The following CACNB2 variants were observed in gnomAD, a reference collection of about 807,000 sequenced individuals.
The protein encoded by CACNB2 is calcium voltage-gated channel auxiliary subunit beta 2.
A neutral mutation model predicts 73.3 loss-of-function variants in CACNB2; 42 were observed. The ratio of observed to expected loss-of-function variants is 0.57; its 90% confidence interval spans 0.45 to 0.74. CACNB2 has a LOEUF of 0.74. Among genes scored for constraint, CACNB2 ranks in the 30% least tolerant of loss-of-function variants. CACNB2 has a pLI of 0.00. For missense variants in CACNB2, 940 were observed against 853.0 expected (o/e 1.10, Z -1.27); for synonymous variants, 348 against 310.3 (o/e 1.12, Z -1.28).
intron 2 of CACNB2, among the ~76,000 whole-genome samples, chr10:18,369,972 A>G (rs1027670546): frequency 2.6e-5 from 4 of 152,224 alleles, no homozygotes; most frequent in African/African-American, 9.6e-5. Flanking sequence ...AAGTGAGCCC[A>G]CTGATAAATG....
chr10:18,408,629 A>T (rs1209515792), intron 3 of CACNB2, among the ~76,000 whole-genome samples: 3 of 152,178 alleles, frequency 2.0e-5, no homozygotes, highest in African/African-American at 7.2e-5. Flanking sequence ...TACAAAACAC[A>T]AGCCTAAAAC....
At chr10:18,427,041 C>T (rs1233775419) in intron 3 of CACNB2, among the ~76,000 whole-genome samples, 4 of 147,098 alleles carry the variant, frequency 2.7e-5, no homozygotes, top group Admixed American at 2.1e-4. Context: ...CGGCAACCTC[C>T]GCCTCCCGGG....
In CACNB2 at chr10:18,247,860, A is replaced by G. The variant is rs75337945; in HGVS notation, c.213+96885A>G. 3.8e-4 allele frequency among the ~76,000 whole-genome samples: 58 copies of G among 152,310 alleles called. 1 individual carries two copies. In the East Asian group the frequency reaches 0.01, roughly 27 times the overall value. Reference sequence around the variant, plus strand: ...AACCATGATTTCATTCTGAATGCTAATGCATATGACATAGAGTACCTCTGA... The same window carrying G: ...AACCATGATTTCATTCTGAATGCTAGTGCATATGACATAGAGTACCTCTGA... On this transcript the variant is annotated intron_variant, in intron 2 of 13. Transcript: ENST00000324631.
intron 3 of CACNB2, among the ~76,000 whole-genome samples, chr10:18,475,893 A>G (rs973647163): frequency 2.6e-5 from 4 of 152,174 alleles, no homozygotes; most frequent in East Asian, 3.9e-4. Flanking sequence ...AGGGATCCCA[A>G]TACAGACCCT....
intron 2 of CACNB2, among the ~76,000 whole-genome samples, chr10:18,178,336 C>A (rs1298648754): frequency 6.6e-6 from 1 of 152,138 alleles, no homozygotes. Context: ...ATTAACTCTA[C>A]CTATTAGGCT....
At chr10:18,352,142 G>A (rs1476561227) in intron 2 of CACNB2, among the ~76,000 whole-genome samples, 1 of 152,172 alleles carries the variant, frequency 6.6e-6, no homozygotes, top group Non-Finnish European at 1.5e-5. Flanking sequence ...TTGCATCCAA[G>A]CCAGCCTCTG....
chr10:18,284,578 T>C (rs555008389), intron 2 of CACNB2, among the ~76,000 whole-genome samples: 2 of 152,296 alleles, frequency 1.3e-5, no homozygotes, highest in South Asian at 4.1e-4. Flanking sequence ...GGAACAAAAC[T>C]TTCTCCCATT....
At chr10:18,523,676 T>C (rs2052153550) in intron 9 of CACNB2, among the ~76,000 whole-genome samples, 1 of 152,150 alleles carries the variant, frequency 6.6e-6, no homozygotes, top group African/African-American at 2.4e-5. Context: ...TGGCAAGACA[T>C]CTAGAGTAAC....
chr10:18,483,635 C>T (rs1363740171), intron 3 of CACNB2, among the ~76,000 whole-genome samples: 1 of 152,230 alleles, frequency 6.6e-6, no homozygotes, highest in South Asian at 2.1e-4. Flanking sequence ...CGCTAGACCT[C>T]TGTGAACTTA....
chr10:18,387,601 G>A (rs1220053688), intron 2 of CACNB2, among the ~76,000 whole-genome samples: 2 of 152,138 alleles, frequency 1.3e-5, no homozygotes, highest in Non-Finnish European at 2.9e-5. Context: ...GCCAGTAGGT[G>A]CATTTTTGGC....
At chr10:18,177,956 G>A (rs185763486) in intron 2 of CACNB2, among the ~76,000 whole-genome samples, 54 of 152,212 alleles carry the variant, frequency 3.5e-4, no homozygotes, top group African/African-American at 1.2e-3. Flanking sequence ...AGGTATTCAA[G>A]AGGCATATCA....
chr10:18,448,592 C>G (rs1589388208), intron 3 of CACNB2, among the ~76,000 whole-genome samples: 1 of 152,100 alleles, frequency 6.6e-6, no homozygotes. Context: ...GGCCTCAGCC[C>G]CAGAGTCTCT....
chr10:18,500,715 G>A lies in CACNB2; in HGVS notation c.457-97G>A, dbSNP rs1306156118. 14 of 1,216,648 alleles carry A rather than the reference G, an allele frequency of 1.2e-5. No individual in the cohort carries two copies. In the Admixed American group the frequency reaches 1.4e-4, roughly 12 times the overall value. The allele number at this position is 1,216,648 out of a possible 1,614,324, so 75.4% of individuals were successfully genotyped here. On this transcript the variant is annotated intron_variant, in intron 4 of 13. Transcript: ENST00000324631. ...TGATAATATTTAAGGCATAGTTAATGGTCATTGCCATATTTCTCTCGACTG... is the reference window on the plus strand; with the variant it reads ...TGATAATATTTAAGGCATAGTTAATAGTCATTGCCATATTTCTCTCGACTG...
Position 18,539,522 on chromosome 10 carries a change from C to T in CACNB2, c.1781C>T (p.Thr594Ile). The part of the protein sequence containing the change: ...SHRDHNHRDE[T>I]HGSSDHRHRE... ...CGTGACCACAACCACAGAGACGAGACCCACGGGAGCAGTGACCACAGACAC... is the reference window on the plus strand; with the variant it reads ...CGTGACCACAACCACAGAGACGAGATCCACGGGAGCAGTGACCACAGACAC... The change falls in exon 14 of 14, where the codon ACC (threonine) becomes ATC (isoleucine). Residue 594 changes from threonine to isoleucine, a missense_variant. Thr to Ile is a moderately conservative substitution (Grantham distance 89, BLOSUM62 -1). Coordinates refer to ENST00000324631, the MANE Select transcript of CACNB2 (RefSeq NM_201596.3). The T allele has an allele frequency of 1.2e-6, 2 of 1,613,876 alleles. No individual in the cohort carries two copies. The highest frequency in any genetic ancestry group is 1.7e-6 in the Non-Finnish European group (2 of 1,179,970).
intron 3 of CACNB2, among the ~76,000 whole-genome samples, chr10:18,422,242 T>C: frequency 6.6e-6 from 1 of 152,212 alleles, no homozygotes; most frequent in East Asian, 1.9e-4. Flanking sequence ...TCAGATACAA[T>C]CTCCATATTG....
chr10:18,445,494 C>G (rs2132564720), intron 3 of CACNB2, among the ~76,000 whole-genome samples: 1 of 152,262 alleles, frequency 6.6e-6, no homozygotes, highest in African/African-American at 2.4e-5. Context: ...GTATCCTTTC[C>G]TATGTACAGG....
chr10:18,349,503 C>G (rs1393241519), intron 2 of CACNB2, among the ~76,000 whole-genome samples: 2 of 152,142 alleles, frequency 1.3e-5, no homozygotes, highest in Non-Finnish European at 2.9e-5. Context: ...GGACCATTTT[C>G]CATTCCAGCA....
At chr10:18,492,045 G>A (rs2132947304) in intron 3 of CACNB2, among the ~76,000 whole-genome samples, 1 of 152,268 alleles carries the variant, frequency 6.6e-6, no homozygotes, top group East Asian at 1.9e-4. Flanking sequence ...GAGGCCTCAG[G>A]AGACTTACAG....
intron 2 of CACNB2, among the ~76,000 whole-genome samples, chr10:18,169,377 A>G (rs1046385191): frequency 3.3e-5 from 5 of 152,154 alleles, no homozygotes; most frequent in East Asian, 1.9e-4. Flanking sequence ...ATGTTTACAA[A>G]TAGGTTTCTT....
Sources: gnomAD v4.1 joint callset for allele counts (sites outside exome capture counted in the v4.1 genomes callset) on GRCh38, gnomAD v4.1.1 for gene constraint, MANE v1.5 for transcripts, NCBI Gene and HGNC (gene_info 2026-07-23, HGNC 2026-07-21) for gene names.